LIPA: variants seen among roughly 807,000 people sequenced by gnomAD.
LIPA encodes the protein lipase A, lysosomal acid type, also known as lysosomal acid lipase/cholesteryl ester hydrolase.
Under a neutral mutation model 40.6 loss-of-function variants are expected in LIPA, and 26 were observed. The ratio of observed to expected loss-of-function variants is 0.64; its 90% CI spans 0.47 to 0.89. LIPA has a LOEUF of 0.89. LIPA is among the 40% of genes least tolerant of loss of function. The pLI is 0.00. For missense variants in LIPA, 455 were observed against 479.6 expected (o/e 0.95, Z 0.48); for synonymous variants, 188 against 168.4 (o/e 1.12, Z -0.90).
chr10:89,342,154 T>C (rs908573029), intron 1 of LIPA, among the ~76,000 whole-genome samples: 3 of 152,164 alleles, frequency 2.0e-5, no homozygotes, highest in Non-Finnish European at 4.4e-5. Flanking sequence ...ATCCAATAGG[T>C]CCAGCATTCC....
intron 3 of LIPA, among the ~76,000 whole-genome samples, chr10:89,241,393 G>A (rs576219884): frequency 2.4e-4 from 37 of 152,242 alleles, no homozygotes; most frequent in African/African-American, 7.9e-4. Context: ...ATGTCTGTTC[G>A]GCACCACCAG....
At chr10:89,267,328 T>C (rs544922740) in intron 1 of LIPA, among the ~76,000 whole-genome samples, 18 of 152,196 alleles carry the variant, frequency 1.2e-4, no homozygotes, top group Non-Finnish European at 1.9e-4. Flanking sequence ...GATGAGATTG[T>C]TACTGGAAAA....
chr10:89,226,965 A>C lies in LIPA; in HGVS notation c.468T>G (p.Ile156Met). The change falls in exon 5 of 10, where the codon ATT becomes ATG. Residue 156 changes from isoleucine (I) to methionine (M), a missense_variant. Ile to Met is a conservative substitution (Grantham distance 10). Transcript: ENST00000336233. The part of the protein sequence containing the change: ...EMAKYDLPAS[I>M]NFILNKTGQE... ...GGCCAGTTTTATTCAGAATGAAGTT[A>C]ATGGAAGCTGGTAGGTCATATTTTG... is the stretch of plus-strand genomic sequence containing the variant. The C allele has an allele frequency of 6.2e-7, 1 of 1,613,572 alleles. No homozygotes were observed. The highest frequency in any genetic ancestry group is 8.5e-7 in the Non-Finnish European group (1 of 1,179,552).
chr10:89,315,367 C>A (rs1429394811), intron 1 of LIPA, among the ~76,000 whole-genome samples: 1 of 152,116 alleles, frequency 6.6e-6, no homozygotes, highest in Non-Finnish European at 1.5e-5. Flanking sequence ...TAGACTATAA[C>A]AACCTCTGAA....
At chr10:89,223,632 A>T in intron 7 of LIPA, 52 bp downstream of exon 7, 1 of 1,396,380 alleles carries the variant, frequency 7.2e-7, no homozygotes, top group Non-Finnish European at 1.0e-6. Flanking sequence ...AACACAAATA[A>T]GCACATTCAC....
chr10:89,372,817 C>G (rs1217137138), intron 2 of LIPA, among the ~76,000 whole-genome samples: 1 of 152,150 alleles, frequency 6.6e-6, no homozygotes, highest in Non-Finnish European at 1.5e-5. Flanking sequence ...TTCTCATTTC[C>G]TTTATAGACA....
chr10:89,319,198 G>A (rs543000529), intron 1 of LIPA, among the ~76,000 whole-genome samples: 1 of 152,174 alleles, frequency 6.6e-6, no homozygotes, highest in Admixed American at 6.5e-5. Context: ...CAGAAGGCAA[G>A]AAATAACTAA....
chr10:89,302,493 T>C (rs1158212329), intron 1 of LIPA, among the ~76,000 whole-genome samples: 1 of 152,318 alleles, frequency 6.6e-6, no homozygotes, highest in East Asian at 1.9e-4. Context: ...TTATTTCATA[T>C]TTGAAAGGAT....
intron 1 of LIPA, chr10:89,314,590 C>T (rs1018356975): frequency 2.0e-5 from 3 of 152,206 alleles, no homozygotes; most frequent in Non-Finnish European, 4.4e-5. Flanking sequence ...ATTTCTTGAA[C>T]CCAGGAGGTG....
At position 89,334,478 on chromosome 10, in the gene LIPA, C is replaced by CTTTTTTTTTTTTTTTTTTTTT. The variant is rs578154457; in HGVS notation, c.-2+8112_-2+8132dup. 6.7e-4 allele frequency among the ~76,000 whole-genome samples: 17 copies of CTTTTTTTTTTTTTTTTTTTTT among 25,316 alleles called. 1 individual carries two copies. Among genetic ancestry groups the CTTTTTTTTTTTTTTTTTTTTT allele is most frequent in the African/African-American group, 1.0e-3 (6 of 5,882 alleles). The allele number at this position is 25,316 out of a possible 152,430, so 16.6% of individuals were successfully genotyped here. On this transcript the variant is annotated intron_variant, in intron 1 of 5. Transcript: ENST00000282673. ...TGTTTTTTCTTCTTTTTCTTTTATTCTTTTTTTTTTTTTTTTTTTTTTTTT... is the reference window on the plus strand; with the variant it reads ...TGTTTTTTCTTCTTTTTCTTTTATTCTTTTTTTTTTTTTTTTTTTTTTTTTTTTTTTTTTTTTTTTTTTTTT...
chr10:89,347,416 A>C (rs1273083982), upstream of LIPA, among the ~76,000 whole-genome samples: 4 of 152,230 alleles, frequency 2.6e-5, no homozygotes, highest in African/African-American at 9.6e-5. Context: ...TTAGCATAGT[A>C]AGCCACCCAT....
In LIPA at chr10:89,336,478, A is replaced by G. The variant is rs1843742345; in HGVS notation, c.-2+6133T>C. On this transcript the variant is annotated intron_variant, in intron 1 of 5. Coordinates refer to the LIPA transcript ENST00000282673. ...TATTGGGCCAAAAATGGTTTAGATCAGCATTACTGGAGAGACAGACAGGAA... is the reference window on the plus strand; with the variant it reads ...TATTGGGCCAAAAATGGTTTAGATCGGCATTACTGGAGAGACAGACAGGAA... Among the ~76,000 whole-genome samples, 3 of 152,212 alleles carry G rather than the reference A, an allele frequency of 2.0e-5. No individual in the cohort carries two copies. In the South Asian group the frequency reaches 6.2e-4, roughly 32 times the overall value.
intron 1 of LIPA, chr10:89,332,575 A>G (rs766548295): frequency 1.2e-6 from 2 of 1,614,084 alleles, no homozygotes; most frequent in Middle Eastern, 1.6e-4. Flanking sequence ...GCTAAAAACA[A>G]AATCAACCGG....
At chr10:89,346,992 G>T (rs1843927820), upstream of LIPA, among the ~76,000 whole-genome samples, 1 of 152,106 alleles carries the variant, frequency 6.6e-6, no homozygotes, top group East Asian at 1.9e-4. Flanking sequence ...CTGCTGCATT[G>T]TTTTTTTCTA....
chr10:89,287,693 A>C (rs1245909044), intron 1 of LIPA, among the ~76,000 whole-genome samples: 1 of 152,086 alleles, frequency 6.6e-6, no homozygotes, highest in Non-Finnish European at 1.5e-5. Flanking sequence ...ATCCCATCCC[A>C]CAGCACGCTT....
intron 1 of LIPA, among the ~76,000 whole-genome samples, chr10:89,262,435 C>T (rs148491686): frequency 4.7e-4 from 71 of 152,308 alleles, no homozygotes; most frequent in African/African-American, 1.2e-3. Context: ...CTCTCTGTAC[C>T]TACAGCCTAA....
chr10:89,315,998 AT>A (rs997039081), intron 1 of LIPA, among the ~76,000 whole-genome samples: 1 of 151,948 alleles, frequency 6.6e-6, no homozygotes, highest in Non-Finnish European at 1.5e-5. Context: ...TAAAACTACT[AT>A]TTTTTTTACA....
intron 1 of LIPA, among the ~76,000 whole-genome samples, chr10:89,320,269 A>G (rs1843564114): frequency 6.6e-6 from 1 of 152,222 alleles, no homozygotes; most frequent in South Asian, 2.1e-4. Context: ...GAAAAGAGGA[A>G]GTCAAATTGT....
In LIPA at chr10:89,355,695, C is replaced by T. The variant is rs559947775; in HGVS notation, c.61+57096G>A. 3.9e-5 allele frequency among the ~76,000 whole-genome samples: 6 copies of T among 152,254 alleles called. No homozygotes were observed. The South Asian group carries it at 6.2e-4, about 16-fold the overall frequency. ...AAGGCCCAGCTGATGAAACAGGATG[C>T]GGTAAAGAAGCCAGCCAAAACCAAG... is the stretch of plus-strand genomic sequence containing the variant. On this transcript the variant is annotated intron_variant, in intron 2 of 8. Coordinates refer to the LIPA transcript ENST00000371837.
Sources: allele counts gnomAD v4.1 joint callset (sites outside exome capture counted in the v4.1 genomes callset), GRCh38; gene constraint gnomAD v4.1.1; transcripts MANE v1.5; gene names NCBI Gene and HGNC (gene_info 2026-07-23, HGNC 2026-07-21).